SUPT20H: variants seen among roughly 807,000 people sequenced by gnomAD.
The protein encoded by SUPT20H is SPT20 homolog, SAGA complex component.
SUPT20H carries 82 observed loss-of-function variants against 122.8 expected under a neutral mutation model. The ratio of observed to expected loss-of-function variants is 0.67; its 90% confidence interval spans 0.56 to 0.80. The LOEUF (loss-of-function observed/expected upper bound fraction) is 0.80. Among genes scored for constraint, SUPT20H ranks in the 30% least tolerant of loss-of-function variants. The pLI, the probability that SUPT20H is intolerant of heterozygous loss-of-function variation, is 0.00. For synonymous variants in SUPT20H, 291 were observed against 313.0 expected, an observed-to-expected ratio of 0.93 and a Z score of 0.74; for missense variants, 831 against 921.6, an observed-to-expected ratio of 0.90 and a Z score of 1.27.
chr13:37,010,043 C>G (rs955905119), intron 25 of SUPT20H, among the ~76,000 whole-genome samples: 20 of 152,058 alleles, frequency 1.3e-4, no homozygotes, highest in African/African-American at 4.3e-4. Flanking sequence ...GTTACTTTGC[C>G]CTGCCAGTCT....
intron 2 of SUPT20H, among the ~76,000 whole-genome samples, chr13:37,049,245 T>A (rs907831021): frequency 1.3e-5 from 2 of 152,102 alleles, no homozygotes; most frequent in African/African-American, 4.8e-5. Flanking sequence ...TTCAGTAATA[T>A]TAAAATATAA....
Position 37,029,830 on chromosome 13 carries a change from T to G in SUPT20H, c.928A>C (p.Lys310Gln). ...LAIPSEVDVE[K>Q]YAKVEKSIKS... The stretch of plus-strand genomic sequence containing the variant: ...ATAGACTTTTCCACTTTAGCATATT[T>G]CTCCACCTAAACAATCAAATCAAGA... Residue 310 changes from lysine to glutamine, a missense_variant, in exon 13 of 26, where the codon AAA becomes CAA. Transcript: ENST00000350612. 4.4e-6 allele frequency: 7 copies of G among 1,595,186 alleles called. 1 individual carries two copies. The highest frequency in any genetic ancestry group is 3.3e-4 in the Middle Eastern group (2 of 6,024).
intron 9 of SUPT20H, among the ~76,000 whole-genome samples, chr13:37,036,858 G>GT (rs1223854723): frequency 6.6e-6 from 1 of 151,972 alleles, no homozygotes; most frequent in Non-Finnish European, 1.5e-5. Context: ...CTTTCTAACA[G>GT]TTAATTCTAA....
intron 11 of SUPT20H, 25 bp from the exon 12 acceptor site, chr13:37,031,648 GA>G (rs1343328514): frequency 6.5e-7 from 1 of 1,548,992 alleles, no homozygotes; most frequent in Non-Finnish European, 8.7e-7. Context: ...ACAATATACT[GA>G]AAAATTAAAA....
chr13:37,025,510 A>C (rs968606101), intron 16 of SUPT20H, 73 bp from the exon 17 acceptor site: 26 of 997,454 alleles, frequency 2.6e-5, no homozygotes, highest in Non-Finnish European at 4.0e-5. Context: ...ATAGGAAAGA[A>C]TAATGACTAT....
chr13:37,057,524 TAA>T (rs35735192), intron 1 of SUPT20H, among the ~76,000 whole-genome samples: 1,597 of 108,420 alleles, frequency 0.015, 21 homozygotes, highest in African/African-American at 0.037. Context: ...GCCAAGCCAT[TAA>T]AAAAAAAAAA....
At chr13:37,051,890 T>C (rs1378846187) in intron 1 of SUPT20H, among the ~76,000 whole-genome samples, 2 of 152,216 alleles carry the variant, frequency 1.3e-5, no homozygotes, top group Admixed American at 6.5e-5. Context: ...AAATCTCTTC[T>C]CTATCACTAC....
At chr13:37,044,835 A>T (rs770015538) in intron 6 of SUPT20H, among the ~76,000 whole-genome samples, 1 of 152,186 alleles carries the variant, frequency 6.6e-6, no homozygotes, top group African/African-American at 2.4e-5. Flanking sequence ...TCATGTTCAA[A>T]CTGCAGGACT....
chr13:37,040,099 CTA>C, intron 9 of SUPT20H: 1 of 218,972 alleles, frequency 4.6e-6, no homozygotes, highest in Non-Finnish European at 8.8e-6. Flanking sequence ...AAACCAGTAT[CTA>C]TTTGTAACCA....
rs2062065580 is a variant in SUPT20H at position 37,025,327 on chromosome 13, T to A, written c.1322A>T (p.Glu441Val). ...AACATTAATGAAACACACATCTGTT[T>A]CTTTCCCTGGAGAAACCTGACTCAG... ...ASLSQVSPGK[E>V]TDQTETVSVQ... The change falls in exon 17 of 26, where the codon GAA (glutamate) becomes GTA (valine). Residue 441 changes from glutamate to valine, a missense_variant. Transcript: ENST00000350612. 10 of 1,610,856 alleles carry A rather than the reference T, an allele frequency of 6.2e-6. No individual in the cohort carries two copies. In the East Asian group the frequency reaches 2.2e-4, roughly 36 times the overall value.
intron 4 of SUPT20H, 78 bp downstream of exon 4, chr13:37,047,800 C>T: frequency 7.0e-7 from 1 of 1,419,902 alleles, no homozygotes; most frequent in East Asian, 2.4e-5. Flanking sequence ...CTAGCTCAGT[C>T]CCTACGAGGA....
chr13:37,013,420 T>C (rs2059929109), intron 23 of SUPT20H: 1 of 151,722 alleles, frequency 6.6e-6, no homozygotes, highest in South Asian at 2.1e-4. Context: ...AATTGGATAC[T>C]GATAGGAAAA....
At chr13:37,055,683 A>T (rs2068795947) in intron 1 of SUPT20H, among the ~76,000 whole-genome samples, 1 of 152,220 alleles carries the variant, frequency 6.6e-6, no homozygotes, top group African/African-American at 2.4e-5. Context: ...AACCTAGGCA[A>T]TACCATTCAG....
rs1400817324 is a variant in SUPT20H, at chr13:37,050,622, CT to C, written c.3+865del. On this transcript the variant is annotated intron_variant, in intron 2 of 25. Transcript: ENST00000350612. The stretch of plus-strand genomic sequence containing the variant: ...CAGTCATCTCAAGTAAATATTTCAT[CT>C]TCTGAAATTAAAACTTCAAAGGGTC... Among the ~76,000 whole-genome samples the C allele has an allele frequency of 3.3e-5, 5 of 152,274 alleles. No homozygotes were observed. In the East Asian group the frequency reaches 9.6e-4, roughly 29 times the overall value.
chr13:37,044,052 A>G, intron 7 of SUPT20H, 26 bp downstream of exon 7: 3 of 1,493,242 alleles, frequency 2.0e-6, no homozygotes, highest in Non-Finnish European at 2.8e-6. Context: ...AAATATAAAG[A>G]CATTTTAAAG....
intron 21 of SUPT20H, 83 bp downstream of exon 21, chr13:37,021,364 CT>C: frequency 7.5e-7 from 1 of 1,336,520 alleles, no homozygotes; most frequent in Non-Finnish European, 1.0e-6. Context: ...CATTAAATGC[CT>C]TTAGCATTAC....
intron 2 of SUPT20H, among the ~76,000 whole-genome samples, chr13:37,049,899 T>C (rs1251688423): frequency 6.6e-6 from 1 of 152,188 alleles, no homozygotes; most frequent in Non-Finnish European, 1.5e-5. Flanking sequence ...TTAAAAGGAC[T>C]TAAATTCTTC....
Position 37,045,240 on chromosome 13 carries a change from G to T in SUPT20H, c.292+7C>A, listed in dbSNP as rs562548261. 26 of 1,613,292 alleles carry T rather than the reference G, an allele frequency of 1.6e-5. No homozygotes were observed. The East Asian group carries it at 2.9e-4, about 18-fold the overall frequency. ...TTTTGTGGCAGCTGTGCTCTAGAGG[G>T]TCTTACCTGATCCGTTTTTTCCCCT... On this transcript the variant is annotated splice_region_variant and intron_variant, in intron 6 of 25. Coordinates refer to ENST00000350612, the MANE Select transcript of SUPT20H (RefSeq NM_001014286.3).
chr13:37,053,872 A>G (rs985809017), intron 1 of SUPT20H, among the ~76,000 whole-genome samples: 1 of 152,154 alleles, frequency 6.6e-6, no homozygotes. Flanking sequence ...GACTGCTAGC[A>G]AGACTAATAA....
Sources: allele counts gnomAD v4.1 joint callset (sites outside exome capture counted in the v4.1 genomes callset), GRCh38; gene constraint gnomAD v4.1.1; transcripts MANE v1.5; gene names NCBI Gene and HGNC (gene_info 2026-07-23, HGNC 2026-07-21).